Variants in MEF2A observed in about 807,000 individuals in gnomAD.
The protein encoded by MEF2A is myocyte-specific enhancer factor 2A.
In MEF2A, 28 loss-of-function variants were observed where a neutral mutation model predicts 55.8. The observed-to-expected ratio is 0.50, with a 90% confidence interval of 0.37 to 0.69. The LOEUF (loss-of-function observed/expected upper bound fraction) is 0.69, where lower values mean the gene tolerates loss of function less well. Among genes scored for constraint, MEF2A ranks in the 30% least tolerant of loss-of-function variants. MEF2A has a pLI of 0.00. For synonymous variants in MEF2A, 239 were observed against 227.1 expected (o/e 1.05, Z -0.47); for missense variants, 528 against 626.2 (o/e 0.84, Z 1.67).
chr15:99,614,191 A>G (rs2039795879), intron 2 of MEF2A, among the ~76,000 whole-genome samples: 1 of 152,242 alleles, frequency 6.6e-6, no homozygotes, highest in Non-Finnish European at 1.5e-5. Flanking sequence ...TAACACAGCT[A>G]CTGATAAATG....
intron 2 of MEF2A, among the ~76,000 whole-genome samples, chr15:99,618,056 T>G (rs906933726): frequency 6.6e-6 from 1 of 152,212 alleles, no homozygotes; most frequent in Admixed American, 6.5e-5. Context: ...TAAAGCATCC[T>G]GTCAGTAAAT....
intron 4 of MEF2A, among the ~76,000 whole-genome samples, chr15:99,670,482 C>G (rs557798149): frequency 6.6e-6 from 1 of 151,976 alleles, no homozygotes; most frequent in Non-Finnish European, 1.5e-5. Context: ...TGGTGGCGGG[C>G]GCTTGTAGTC....
At chr15:99,627,925 A>G (rs1166798210) in intron 2 of MEF2A, among the ~76,000 whole-genome samples, 2 of 152,216 alleles carry the variant, frequency 1.3e-5, no homozygotes, top group Admixed American at 6.5e-5. Context: ...TCCCTTAGCC[A>G]TGGTAATTTA....
In MEF2A at chr15:99,688,486, G is replaced by C. The variant is rs146545731; in HGVS notation, c.671-1755G>C. On this transcript the variant is annotated intron_variant, in intron 7 of 11. Coordinates refer to ENST00000557942, the MANE Select transcript of MEF2A (RefSeq NM_001319206.4). ...ACTTAATAAAATGCTGGCCGGACAC[G>C]TTGGCTCATGCCTGTAATCCCAGCA... is the stretch of plus-strand genomic sequence containing the variant. Among the ~76,000 whole-genome samples, 321 of 152,240 alleles carry C rather than the reference G, an allele frequency of 2.1e-3. 1 individual carries two copies. The highest frequency in any genetic ancestry group is 7.4e-3 in the African/African-American group (308 of 41,524).
chr15:99,573,286 C>CAAAAAAAAA (rs66573508), intron 1 of MEF2A, among the ~76,000 whole-genome samples: 1 of 86,632 alleles, frequency 1.2e-5, no homozygotes, highest in Non-Finnish European at 2.3e-5. Context: ...GACTCCGTCT[C>CAAAAAAAAA]AAAAAAAAAA....
chr15:99,681,805 G>T (rs1455259130), intron 7 of MEF2A: 8 of 152,216 alleles, frequency 5.3e-5, no homozygotes, highest in Non-Finnish European at 1.2e-4. Context: ...GTCAGGTGCA[G>T]TAGTGAGAAG....
In MEF2A at chr15:99,580,722, C is replaced by A. The variant is rs572890362; in HGVS notation, c.-225+14618C>A. Among the ~76,000 whole-genome samples, 9 of 152,230 alleles carry A rather than the reference C, an allele frequency of 5.9e-5. No individual in the cohort carries two copies. The East Asian group carries it at 1.7e-3, about 29-fold the overall frequency. ...TAGGCCTGTATTTGACCAAGGGCCTCCTTTGGTACTTTTTATTCCAATGTC... is the reference window on the plus strand; with the variant it reads ...TAGGCCTGTATTTGACCAAGGGCCTACTTTGGTACTTTTTATTCCAATGTC... On this transcript the variant is annotated intron_variant, in intron 1 of 11. Coordinates refer to ENST00000557942, the MANE Select transcript of MEF2A (RefSeq NM_001319206.4).
intron 1 of MEF2A, among the ~76,000 whole-genome samples, chr15:99,572,253 C>A (rs557073926): frequency 6.6e-6 from 1 of 152,210 alleles, no homozygotes; most frequent in Admixed American, 6.5e-5. Context: ...CCTCTGCACC[C>A]TTTTTTCTTC....
intron 3 of MEF2A, among the ~76,000 whole-genome samples, chr15:99,643,552 C>T (rs953923325): frequency 3.3e-5 from 5 of 151,330 alleles, no homozygotes; most frequent in South Asian, 2.1e-4. Flanking sequence ...TCAACAGATG[C>T]GGAGGTTTTT....
intron 8 of MEF2A, among the ~76,000 whole-genome samples, chr15:99,702,181 T>G (rs2057468798): frequency 6.6e-6 from 1 of 152,214 alleles, no homozygotes; most frequent in South Asian, 2.1e-4. Context: ...ACATTGGAGA[T>G]AGCAGTTGTA....
chr15:99,584,311 T>A (rs1209829036), intron 1 of MEF2A, among the ~76,000 whole-genome samples: 1 of 152,144 alleles, frequency 6.6e-6, no homozygotes, highest in Non-Finnish European at 1.5e-5. Flanking sequence ...CTGAAGACAC[T>A]CTTAGGTTTT....
At chr15:99,606,902 C>T (rs1975348865) in intron 2 of MEF2A, among the ~76,000 whole-genome samples, 2 of 152,080 alleles carry the variant, frequency 1.3e-5, no homozygotes, top group African/African-American at 4.8e-5. Flanking sequence ...TTGTAATAGC[C>T]TCACACTCAA....
At chr15:99,675,356 T>C (rs1046108229) in intron 6 of MEF2A, 43 bp from the exon 7 acceptor site, 2 of 1,529,784 alleles carry the variant, frequency 1.3e-6, no homozygotes, top group African/African-American at 2.7e-5. Context: ...AGCTAATTCA[T>C]ATTCATTCTC....
At chr15:99,634,081 G>C (rs1340462094) in intron 3 of MEF2A, among the ~76,000 whole-genome samples, 1 of 152,190 alleles carries the variant, frequency 6.6e-6, no homozygotes, top group Non-Finnish European at 1.5e-5. Flanking sequence ...CTCTGGGAAA[G>C]TTGCGTATCA....
chr15:99,641,580 A>G (rs554713849), intron 3 of MEF2A, among the ~76,000 whole-genome samples: 18 of 152,216 alleles, frequency 1.2e-4, no homozygotes, highest in African/African-American at 4.1e-4. Flanking sequence ...AAAATTAGCC[A>G]GGCGTGGTGG....
intron 7 of MEF2A, among the ~76,000 whole-genome samples, chr15:99,681,453 T>G (rs2053229554): frequency 6.6e-6 from 1 of 152,070 alleles, no homozygotes; most frequent in African/African-American, 2.4e-5. Flanking sequence ...TACTGGAAAT[T>G]AGGAAAGATA....
intron 7 of MEF2A, among the ~76,000 whole-genome samples, chr15:99,679,351 A>T (rs758531039): frequency 6.6e-6 from 1 of 152,256 alleles, no homozygotes; most frequent in Non-Finnish European, 1.5e-5. Context: ...ATGGATAAAT[A>T]TAAGAGTACA....
chr15:99,664,310 G>A (rs575475297), intron 4 of MEF2A, among the ~76,000 whole-genome samples: 2 of 152,296 alleles, frequency 1.3e-5, no homozygotes, highest in South Asian at 4.1e-4. Flanking sequence ...CAGACAGATA[G>A]CACTCAAAGG....
At chr15:99,603,768 C>T (rs965415570) in intron 2 of MEF2A, among the ~76,000 whole-genome samples, 2 of 152,104 alleles carry the variant, frequency 1.3e-5, no homozygotes, top group African/African-American at 4.8e-5. Flanking sequence ...AAAATGTTAA[C>T]TAGGTCACAT....
Sources: gnomAD v4.1 joint callset for allele counts (sites outside exome capture counted in the v4.1 genomes callset) on GRCh38, gnomAD v4.1.1 for gene constraint, MANE v1.5 for transcripts, NCBI Gene and HGNC (gene_info 2026-07-23, HGNC 2026-07-21) for gene names.